MYO1H: variants seen among roughly 807,000 people sequenced by gnomAD.
The protein encoded by MYO1H is unconventional myosin-Ih.
A neutral mutation model predicts 149.3 loss-of-function variants in MYO1H; 118 were observed. The observed-to-expected ratio is 0.79, with a 90% CI of 0.68 to 0.92. MYO1H has a LOEUF of 0.92. Among genes scored for constraint, MYO1H ranks in the 40% least tolerant of loss-of-function variants. MYO1H has a pLI of 0.00. For missense variants in MYO1H, 1,212 were observed against 1,280.7 expected, an observed-to-expected ratio of 0.95 and a Z score of 0.82; for synonymous variants, 447 against 465.2, an observed-to-expected ratio of 0.96 and a Z score of 0.50.
At position 109,349,873 on chromosome 12, in the gene MYO1H, A is replaced by G. The variant is rs1462903420; in HGVS notation, c.12+1901A>G. On this transcript the variant is annotated intron_variant, in intron 1 of 31. Transcript: ENST00000310903. ...CTACTCGGGAGGCTGAGGCAGGAGA[A>G]TGGCGTGAACCCGGGAGGCAGAGCT... 2.6e-5 allele frequency among the ~76,000 whole-genome samples: 4 copies of G among 151,026 alleles called. No homozygotes were observed. The East Asian group carries it at 7.8e-4, about 30-fold the overall frequency.
the MYO1H span, among the ~76,000 whole-genome samples, chr12:109,340,082 A>G: frequency 3.3e-5 from 5 of 152,320 alleles, no homozygotes; most frequent in South Asian, 1.0e-3. Context: ...ACCTAGTTCA[A>G]TCTTCTATGG....
chr12:109,366,376 T>C (rs1868864370), intron 1 of MYO1H, among the ~76,000 whole-genome samples: 1 of 152,210 alleles, frequency 6.6e-6, no homozygotes, highest in Admixed American at 6.5e-5. Flanking sequence ...GGTGAATTGT[T>C]AGCCAATGCT....
exon 32 of MYO1H, chr12:109,448,040 T>C (rs371353273): frequency 6.6e-6 from 1 of 152,218 alleles, no homozygotes; most frequent in East Asian, 1.9e-4. Context: ...CGGCCACCAC[T>C]GTGACCACCA....
intron 22 of MYO1H, among the ~76,000 whole-genome samples, chr12:109,436,946 C>G (rs1260620683): frequency 6.6e-6 from 1 of 151,856 alleles, no homozygotes; most frequent in African/African-American, 2.4e-5. Flanking sequence ...CAAAACAAAA[C>G]ACCCAAAAAT....
intron 1 of MYO1H, among the ~76,000 whole-genome samples, chr12:109,373,485 A>G (rs1375065519): frequency 6.6e-6 from 1 of 152,118 alleles, no homozygotes; most frequent in Admixed American, 6.6e-5. Flanking sequence ...GATTTGGTAA[A>G]TCTATTATTA....
intron 15 of MYO1H, among the ~76,000 whole-genome samples, chr12:109,420,078 T>A (rs1871109567): frequency 6.6e-6 from 1 of 152,168 alleles, no homozygotes; most frequent in South Asian, 2.1e-4. Flanking sequence ...AATTTTCTCA[T>A]CTATTTAGAG....
At position 109,352,165 on chromosome 12, in the gene MYO1H, AT is replaced by A. The variant is rs554488059; in HGVS notation, c.12+4200del. Among the ~76,000 whole-genome samples, 42 of 152,184 alleles carry A rather than the reference AT, an allele frequency of 2.8e-4. 1 individual carries two copies. The highest frequency in any genetic ancestry group is 1.0e-3 in the African/African-American group (42 of 41,522). On this transcript the variant is annotated intron_variant, in intron 1 of 31. Coordinates refer to ENST00000310903, the Ensembl canonical transcript of MYO1H. ...TGGCTCTGTTCATAATACCACTTTT[AT>A]TTTTTTCCATAAAAATAGCTTTTTA...
rs372972852 is a variant in MYO1H at position 109,393,342 on chromosome 12, C to T, written c.186C>T (p.Gly62=). The change falls in exon 3 of 32, where the codon GGC becomes GGT. Residue 62 remains glycine, a synonymous_variant. Coordinates refer to ENST00000310903, the Ensembl canonical transcript of MYO1H. The stretch of plus-strand genomic sequence containing the variant: ...GTCCATTTCTCTAGACATATATTGG[C>T]ACCCTCCTTGTGTCTGTGAATCCAT... The T allele has an allele frequency of 2.5e-6, 4 of 1,573,704 alleles. No individual in the cohort carries two copies. In the South Asian group the frequency reaches 4.7e-5, roughly 18 times the overall value.
rs749523348 is a variant in MYO1H, at chr12:109,409,552, A to C, written c.1156-5A>C. 3.7e-6 allele frequency: 6 copies of C among 1,613,350 alleles called. No homozygotes were observed. In the South Asian group the frequency reaches 6.6e-5, roughly 18 times the overall value. On this transcript the variant is annotated splice_polypyrimidine_tract_variant and splice_region_variant and intron_variant, in intron 10 of 31. Transcript: ENST00000310903. ...ACTATGAATGGGGTGTGTTATTTTGACCAGGATTTCACCAGGAAAACTGTA... is the reference window on the plus strand; with the variant it reads ...ACTATGAATGGGGTGTGTTATTTTGCCCAGGATTTCACCAGGAAAACTGTA...
chr12:109,431,221 A>C (rs1871601048), intron 19 of MYO1H, among the ~76,000 whole-genome samples: 1 of 151,862 alleles, frequency 6.6e-6, no homozygotes. Flanking sequence ...CTACTAAAAA[A>C]TACAAAAAAT....
At chr12:109,379,917 C>G (rs745476649) in intron 1 of MYO1H, among the ~76,000 whole-genome samples, 3 of 151,736 alleles carry the variant, frequency 2.0e-5, no homozygotes, top group Non-Finnish European at 4.4e-5. Flanking sequence ...ATTTTCAGTA[C>G]AGATGGAGTT....
exon 14 of MYO1H, chr12:109,411,968 A>G (rs771476335): frequency 1.3e-6 from 2 of 1,599,328 alleles, no homozygotes; most frequent in South Asian, 1.1e-5. Context: ...AAGTGGGCAA[A>G]CATGCACACT....
At chr12:109,439,563 G>C in intron 23 of MYO1H, 68 bp from the exon 24 acceptor site, 1 of 1,497,500 alleles carries the variant, frequency 6.7e-7, no homozygotes, top group Non-Finnish European at 9.0e-7. Flanking sequence ...AATCAAAGAA[G>C]GGGGAAGAGA....
chr12:109,365,355 C>G (rs753272386), intron 1 of MYO1H, among the ~76,000 whole-genome samples: 1 of 152,202 alleles, frequency 6.6e-6, no homozygotes, highest in African/African-American at 2.4e-5. Flanking sequence ...CAGCATGGGC[C>G]AATTCCAGTT....
At chr12:109,439,054 CT>C (rs1225030930) in intron 23 of MYO1H, among the ~76,000 whole-genome samples, 25 of 124,654 alleles carry the variant, frequency 2.0e-4, no homozygotes. Flanking sequence ...TGAAATCTGG[CT>C]TTTGGGGTTT....
intron 1 of MYO1H, among the ~76,000 whole-genome samples, chr12:109,360,817 C>T (rs1030153719): frequency 4.1e-4 from 63 of 152,228 alleles, no homozygotes; most frequent in African/African-American, 1.3e-3. Flanking sequence ...TTGGTTTTTA[C>T]GTTTTAGACA....
chr12:109,407,648 A>T, intron 9 of MYO1H, 146 bp from the exon 10 acceptor site: 5 of 521,178 alleles, frequency 9.6e-6, no homozygotes, highest in Non-Finnish European at 1.6e-5. Flanking sequence ...GGGCACCTGT[A>T]GTCCCAGCTA....
intron 10 of MYO1H, among the ~76,000 whole-genome samples, chr12:109,408,121 G>A (rs1485659238): frequency 6.6e-6 from 1 of 152,128 alleles, no homozygotes; most frequent in East Asian, 1.9e-4. Context: ...AGCGTGCTGT[G>A]CATAGTGCTT....
At chr12:109,432,187 G>A (rs1200818643) in intron 19 of MYO1H, among the ~76,000 whole-genome samples, 1 of 151,884 alleles carries the variant, frequency 6.6e-6, no homozygotes, top group African/African-American at 2.4e-5. Context: ...TGTATTTTTA[G>A]TAGAGACAGG....
Sources: gnomAD v4.1 joint callset for allele counts (sites outside exome capture counted in the v4.1 genomes callset) on GRCh38, gnomAD v4.1.1 for gene constraint, MANE v1.5 for transcripts, NCBI Gene and HGNC (gene_info 2026-07-23, HGNC 2026-07-21) for gene names.